The following C3orf20 variants were observed in gnomAD, a reference collection of about 807,000 sequenced individuals.
The protein encoded by C3orf20 is family with sequence similarity 149 member C, also known as uncharacterized protein C3orf20.
A neutral mutation model predicts 88.3 loss-of-function variants in C3orf20; 76 were observed. That is an observed-to-expected ratio of 0.86 (90% confidence interval 0.72 to 1.04). The LOEUF (loss-of-function observed/expected upper bound fraction) is 1.04, where lower values mean the gene tolerates loss of function less well. Among genes scored for constraint, C3orf20 ranks in the 50% least tolerant of loss-of-function variants. The pLI is 0.00. For missense variants in C3orf20, 1,056 were observed against 1,123.3 expected (o/e 0.94, Z 0.86); for synonymous variants, 436 against 437.4 (o/e 1.00, Z 0.04).
intron 5 of C3orf20, among the ~76,000 whole-genome samples, chr3:14,698,841 T>C (rs1293713511): frequency 5.9e-5 from 9 of 152,192 alleles, no homozygotes; most frequent in Admixed American, 5.9e-4. Context: ...CAGCCAGGTT[T>C]CTGTTCTTCC....
intron 4 of C3orf20, among the ~76,000 whole-genome samples, chr3:14,688,853 C>CA (rs2032576056): frequency 6.6e-6 from 1 of 152,044 alleles, no homozygotes; most frequent in Non-Finnish European, 1.5e-5. Context: ...TTTTACTTAA[C>CA]AGAGTACAGC....
At chr3:14,695,026 A>G (rs4685210) in intron 5 of C3orf20, among the ~76,000 whole-genome samples, 101,011 of 151,974 alleles carry the variant, frequency 0.66, 33,670 homozygotes, top group Middle Eastern at 0.71. Flanking sequence ...TCTGACCTCA[A>G]GTGATCCACC....
chr3:14,761,704 G>A, intron 15 of C3orf20, 89 bp downstream of exon 15: 2 of 1,394,268 alleles, frequency 1.4e-6, no homozygotes, highest in Non-Finnish European at 2.0e-6. Context: ...GGGAACTGAG[G>A]GGAGCAGGCG....
intron 3 of C3orf20, 99 bp downstream of exon 3, chr3:14,683,296 T>A: frequency 6.9e-7 from 1 of 1,441,344 alleles, no homozygotes; most frequent in Non-Finnish European, 9.2e-7. Flanking sequence ...GGGTCTGCTG[T>A]AGGAATTGGA....
chr3:14,728,910 T>C (rs559690107), intron 12 of C3orf20, among the ~76,000 whole-genome samples: 22 of 152,362 alleles, frequency 1.4e-4, no homozygotes, highest in African/African-American at 4.3e-4. Context: ...GGGTTGGCTA[T>C]GGACCAAATT....
At chr3:14,685,906 C>T (rs896041122) in intron 4 of C3orf20, among the ~76,000 whole-genome samples, 4 of 140,628 alleles carry the variant, frequency 2.8e-5, no homozygotes, top group South Asian at 4.4e-4. Context: ...TCTGTTGCCA[C>T]GCTGGAGTGC....
At chr3:14,753,727 T>C (rs2035282996) in intron 12 of C3orf20, among the ~76,000 whole-genome samples, 1 of 152,228 alleles carries the variant, frequency 6.6e-6, no homozygotes, top group African/African-American at 2.4e-5. Context: ...TTGTTGCTGC[T>C]TGTTGTAGTT....
At chr3:14,749,194 A>G (rs190020808) in intron 12 of C3orf20, among the ~76,000 whole-genome samples, 249 of 152,354 alleles carry the variant, frequency 1.6e-3, no homozygotes, top group Non-Finnish European at 9.3e-4. Context: ...TTCTAAATAC[A>G]TAATGTCCTC....
At chr3:14,760,606 CTTTT>C (rs33982218) in intron 14 of C3orf20, among the ~76,000 whole-genome samples, 3 of 97,794 alleles carry the variant, frequency 3.1e-5, no homozygotes, top group African/African-American at 8.3e-5. Flanking sequence ...AGTCTGTCTT[CTTTT>C]TTTTTTTTTT....
intron 12 of C3orf20, among the ~76,000 whole-genome samples, chr3:14,749,679 CT>C (rs899497310): frequency 2.9e-5 from 4 of 138,396 alleles, no homozygotes; most frequent in African/African-American, 1.1e-4. Context: ...CCATCATTGC[CT>C]TTTTTACGTT....
intron 15 of C3orf20, chr3:14,765,498 A>T (rs1337044975): frequency 2.6e-5 from 4 of 152,198 alleles, no homozygotes; most frequent in Non-Finnish European, 5.9e-5. Context: ...TTACTGAGGG[A>T]TGTTGGCCAA....
At chr3:14,745,236 A>G (rs1297191051) in intron 12 of C3orf20, among the ~76,000 whole-genome samples, 1 of 152,136 alleles carries the variant, frequency 6.6e-6, no homozygotes, top group African/African-American at 2.4e-5. Flanking sequence ...TGACAGAGCC[A>G]TTGGCCTGCA....
intron 4 of C3orf20, among the ~76,000 whole-genome samples, chr3:14,685,809 A>G (rs145818545): frequency 1.0e-4 from 15 of 145,518 alleles, no homozygotes; most frequent in African/African-American, 3.8e-4. Context: ...CATTCAGCAT[A>G]TAATGTACTC....
At chr3:14,689,891 T>A (rs1422909186) in intron 4 of C3orf20, 106 bp from the exon 5 acceptor site, 1 of 1,463,256 alleles carries the variant, frequency 6.8e-7, no homozygotes, top group East Asian at 2.3e-5. Context: ...CACTTTACAG[T>A]ATGTGACCCA....
intron 12 of C3orf20, among the ~76,000 whole-genome samples, chr3:14,736,219 T>C (rs2034703506): frequency 1.3e-5 from 2 of 152,212 alleles, no homozygotes; most frequent in Non-Finnish European, 2.9e-5. Flanking sequence ...TTTCCTTCTG[T>C]CTGAATAGCT....
chr3:14,761,381 T>C (rs2035557583), intron 14 of C3orf20, 92 bp from the exon 15 acceptor site: 1 of 1,471,874 alleles, frequency 6.8e-7, no homozygotes, highest in African/African-American at 1.4e-5. Flanking sequence ...TGTGGCGCTG[T>C]TCTAGTGAAA....
At chr3:14,692,007 G>A (rs2032756746) in intron 5 of C3orf20, among the ~76,000 whole-genome samples, 1 of 152,072 alleles carries the variant, frequency 6.6e-6, no homozygotes, top group African/African-American at 2.4e-5. Flanking sequence ...GCCTTTCTGT[G>A]TCTGGCTTAT....
intron 4 of C3orf20, 91 bp downstream of exon 4, chr3:14,684,473 T>A: frequency 6.6e-7 from 1 of 1,505,844 alleles, no homozygotes; most frequent in East Asian, 2.3e-5. Context: ...TTTGAAGGTT[T>A]GACATTTCCA....
chr3:14,741,214 T>C (rs1427639183), intron 12 of C3orf20, among the ~76,000 whole-genome samples: 3 of 152,170 alleles, frequency 2.0e-5, no homozygotes, highest in African/African-American at 7.2e-5. Flanking sequence ...GTTTCACCTT[T>C]ACTCCTCAGA....
Sources: gnomAD v4.1 joint callset for allele counts (sites outside exome capture counted in the v4.1 genomes callset) on GRCh38, gnomAD v4.1.1 for gene constraint, MANE v1.5 for transcripts, NCBI Gene and HGNC (gene_info 2026-07-23, HGNC 2026-07-21) for gene names.